Variants in CEP85L observed in about 807,000 individuals in gnomAD.
The protein encoded by CEP85L is centrosomal protein 85L.
In CEP85L, 60 loss-of-function variants were observed where a neutral mutation model predicts 100.3. The observed-to-expected ratio is 0.60, with a 90% CI of 0.49 to 0.74. The LOEUF (loss-of-function observed/expected upper bound fraction) is 0.74, where lower values mean the gene tolerates loss of function less well. Among genes scored for constraint, CEP85L ranks in the 30% least tolerant of loss-of-function variants. The pLI is 0.00. For synonymous variants in CEP85L, 319 were observed against 322.7 expected, an observed-to-expected ratio of 0.99 and a Z score of 0.12; for missense variants, 973 against 936.2, an observed-to-expected ratio of 1.04 and a Z score of -0.51.
chr6:118,518,546 A>T (rs767703720), intron 4 of CEP85L, among the ~76,000 whole-genome samples: 2 of 152,204 alleles, frequency 1.3e-5, no homozygotes, highest in South Asian at 4.1e-4. Context: ...CTCTGATAGT[A>T]GTTTGTAATT....
chr6:118,484,711 C>A (rs554385788), intron 6 of CEP85L, among the ~76,000 whole-genome samples: 117 of 152,228 alleles, frequency 7.7e-4, no homozygotes, highest in African/African-American at 2.7e-3. Context: ...TAACTATACC[C>A]AAATGCTTTA....
chr6:118,674,244 G>C (rs778826622), intron 1 of CEP85L, among the ~76,000 whole-genome samples: 22 of 152,176 alleles, frequency 1.4e-4, no homozygotes, highest in Non-Finnish European at 2.8e-4. Context: ...AAAACCAGTG[G>C]GCTGGGCATG....
chr6:118,492,949 G>T (rs1170931461), intron 5 of CEP85L, among the ~76,000 whole-genome samples: 1 of 152,094 alleles, frequency 6.6e-6, no homozygotes, highest in Non-Finnish European at 1.5e-5. Context: ...TCATGTCCAG[G>T]CTATTTCAAA....
chr6:118,540,844 G>A (rs1777869711), intron 3 of CEP85L, among the ~76,000 whole-genome samples: 1 of 152,102 alleles, frequency 6.6e-6, no homozygotes, highest in East Asian at 1.9e-4. Flanking sequence ...CAGACCTAGG[G>A]AAACTTCAAC....
In CEP85L at chr6:118,651,239, TGGCCTCC is replaced by T; in HGVS notation, c.24_30del (p.Glu9AlafsTer49). On this transcript the variant is annotated frameshift_variant, in exon 1 of 13. Transcript: ENST00000368491. LOFTEE classifies it high-confidence loss of function. The stretch of plus-strand genomic sequence containing the variant: ...GCTCCGCCGGGGCTATCCCGGCCGC[TGGCCTCC>T]GGAGCCAGGAAGCGCCCCCACATCG... The T allele has an allele frequency of 1.3e-6, 2 of 1,494,802 alleles. No individual in the cohort carries two copies. Among genetic ancestry groups the T allele is most frequent in the South Asian group, 2.5e-5 (2 of 80,004 alleles). The allele number at this position is 1,494,802 out of a possible 1,614,324, so 92.6% of individuals were successfully genotyped here.
chr6:118,632,180 G>A (rs1057040436), intron 2 of CEP85L, among the ~76,000 whole-genome samples: 15 of 152,026 alleles, frequency 9.9e-5, no homozygotes, highest in South Asian at 2.1e-4. Context: ...TAGTAGAGAC[G>A]GGATTTCATT....
intron 10 of CEP85L, among the ~76,000 whole-genome samples, chr6:118,472,253 C>G (rs1386134479): frequency 6.6e-6 from 1 of 152,022 alleles, no homozygotes; most frequent in Non-Finnish European, 1.5e-5. Flanking sequence ...TGATTTTAAT[C>G]AGTGCAGAAA....
chr6:118,651,683 C>CGGGGCGGGGACAGCGG, upstream of CEP85L: 1 of 637,232 alleles, frequency 1.6e-6, no homozygotes, highest in East Asian at 2.5e-4. Context: ...CGGCGCCGCG[C>CGGGGCGGGGACAGCGG]GGGGCGGGGA....
chr6:118,572,543 G>A (rs1199856212), intron 2 of CEP85L, among the ~76,000 whole-genome samples: 1 of 151,830 alleles, frequency 6.6e-6, no homozygotes, highest in Non-Finnish European at 1.5e-5. Flanking sequence ...TTGCACTCCA[G>A]TCTGGAGACA....
intron 2 of CEP85L, among the ~76,000 whole-genome samples, chr6:118,577,522 C>A (rs994653014): frequency 6.6e-6 from 1 of 152,054 alleles, no homozygotes; most frequent in African/African-American, 2.4e-5. Flanking sequence ...GTATTGTTCT[C>A]GTGGGTAACT....
intron 1 of CEP85L, among the ~76,000 whole-genome samples, chr6:118,695,686 T>A (rs942463242): frequency 7.9e-5 from 12 of 152,234 alleles, no homozygotes; most frequent in African/African-American, 2.9e-4. Flanking sequence ...GTTCGTCTAT[T>A]TCTAGTTAAT....
upstream of CEP85L, among the ~76,000 whole-genome samples, chr6:118,653,529 G>C (rs1775667155): frequency 6.6e-6 from 1 of 152,168 alleles, no homozygotes; most frequent in Non-Finnish European, 1.5e-5. Context: ...TTTTCAGAAT[G>C]ATTAAAATTT....
chr6:118,522,002 T>C (rs986981150), intron 4 of CEP85L, among the ~76,000 whole-genome samples: 4 of 152,214 alleles, frequency 2.6e-5, no homozygotes, highest in African/African-American at 9.6e-5. Flanking sequence ...CATCAACTGA[T>C]TTCCATTGTT....
At chr6:118,682,737 T>C in intron 1 of CEP85L, among the ~76,000 whole-genome samples, 1 of 147,502 alleles carries the variant, frequency 6.8e-6, no homozygotes. Flanking sequence ...AAAAAGCCCT[T>C]GCACCCCTGA....
chr6:118,621,211 G>A (rs932608804), intron 2 of CEP85L, among the ~76,000 whole-genome samples: 12 of 152,148 alleles, frequency 7.9e-5, no homozygotes, highest in Non-Finnish European at 1.2e-4. Flanking sequence ...AATCCTACGA[G>A]TACAAAAACC....
intron 2 of CEP85L, among the ~76,000 whole-genome samples, chr6:118,593,655 A>G (rs1482405600): frequency 6.7e-6 from 1 of 148,736 alleles, no homozygotes. Flanking sequence ...TGGTGGGGGG[A>G]GGGGCAGCGC....
At chr6:118,542,704 T>C (rs764640314) in intron 3 of CEP85L, among the ~76,000 whole-genome samples, 8 of 151,582 alleles carry the variant, frequency 5.3e-5, no homozygotes, top group Non-Finnish European at 8.8e-5. Flanking sequence ...ACTCCAAAAA[T>C]CTCTTATATT....
At chr6:118,468,301 A>G (rs1772683454) in intron 12 of CEP85L, among the ~76,000 whole-genome samples, 1 of 152,220 alleles carries the variant, frequency 6.6e-6, no homozygotes, top group Non-Finnish European at 1.5e-5. Context: ...AACCAGTATT[A>G]TTAACCATAA....
At chr6:118,697,711 T>C (rs1012688326) in intron 1 of CEP85L, among the ~76,000 whole-genome samples, 5 of 152,212 alleles carry the variant, frequency 3.3e-5, no homozygotes, top group Admixed American at 1.3e-4. Context: ...GAGCCATCAG[T>C]ATATGAAACT....
Sources: gnomAD v4.1 joint callset for allele counts (sites outside exome capture counted in the v4.1 genomes callset) on GRCh38, gnomAD v4.1.1 for gene constraint, MANE v1.5 for transcripts, NCBI Gene and HGNC (gene_info 2026-07-23, HGNC 2026-07-21) for gene names.